The following SPON1 variants were observed in gnomAD, a reference collection of about 807,000 sequenced individuals.
SPON1 encodes spondin-1.
In SPON1, 52 loss-of-function variants were observed where a neutral mutation model predicts 111.7. That is an observed-to-expected ratio of 0.47 (90% CI 0.37 to 0.59). The LOEUF (loss-of-function observed/expected upper bound fraction) is 0.59. Ranked by LOEUF, SPON1 falls within the 20% of genes least tolerant of loss-of-function variation. SPON1 has a pLI of 0.00. For synonymous variants in SPON1, 410 were observed against 395.8 expected (o/e 1.04, Z -0.43); for missense variants, 957 against 1,068.5 (o/e 0.90, Z 1.46).
rs3047401 is a variant in SPON1 at position 13,969,215 on chromosome 11, C to CAAAAA, written c.238+6090_238+6094dup. 1.4e-3 allele frequency among the ~76,000 whole-genome samples: 153 copies of CAAAAA among 106,922 alleles called. 2 individuals are homozygous for CAAAAA. The highest frequency in any genetic ancestry group is 9.5e-3 in the East Asian group (31 of 3,268). 70.1% of individuals were successfully genotyped at this position (106,922 alleles called of 152,430 possible). ...GACAATATGGCAAAACCCATCTCTACAAAAAAAAAAAAAAAAAAAAATTAG... is the reference window on the plus strand; with the variant it reads ...GACAATATGGCAAAACCCATCTCTACAAAAAAAAAAAAAAAAAAAAAAAAAATTAG... On this transcript the variant is annotated intron_variant, in intron 1 of 15. Coordinates refer to ENST00000576479, the MANE Select transcript of SPON1 (RefSeq NM_006108.4).
intron 5 of SPON1, among the ~76,000 whole-genome samples, chr11:14,115,325 T>A (rs1258229246): frequency 6.6e-6 from 1 of 152,192 alleles, no homozygotes; most frequent in Non-Finnish European, 1.5e-5. Context: ...AAATTGTAAG[T>A]CTATAGCTCA....
chr11:14,135,650 A>G lies in SPON1; in HGVS notation c.825+82A>G. 9 of 1,404,272 alleles carry G rather than the reference A, an allele frequency of 6.4e-6. No homozygotes were observed. The highest frequency in any genetic ancestry group is 8.9e-6 in the Non-Finnish European group (9 of 1,010,580). The allele number at this position is 1,404,272 out of a possible 1,614,324, so 87.0% of individuals were successfully genotyped here. ...TTAGATATCTTTCCCAGGGGCTTGA[A>G]ATTTGCAGTACAATGTGGTGGAAGA... On this transcript the variant is annotated intron_variant, in intron 6 of 15. Transcript: ENST00000576479. This position sits in a 1 kb window ranked among gnomAD's most constrained non-coding sequence, Gnocchi z 4.4.
intron 6 of SPON1, among the ~76,000 whole-genome samples, chr11:14,165,919 G>A (rs1395896028): frequency 1.3e-5 from 2 of 152,160 alleles, no homozygotes; most frequent in Non-Finnish European, 2.9e-5. Flanking sequence ...TCTCAGATAA[G>A]ACTTTTTAAA....
intron 3 of SPON1, among the ~76,000 whole-genome samples, chr11:14,063,952 G>C (rs782678818): frequency 4.6e-5 from 7 of 152,196 alleles, no homozygotes; most frequent in Non-Finnish European, 1.0e-4. Flanking sequence ...ACTGTTTGCT[G>C]ATCACACAGC....
chr11:13,992,515 C>T (rs927999221), intron 2 of SPON1, among the ~76,000 whole-genome samples: 45 of 152,252 alleles, frequency 3.0e-4, no homozygotes, highest in Non-Finnish European at 4.1e-4. Context: ...TGGGACCTGC[C>T]GAGCCAGACC....
At chr11:14,144,455 C>T (rs1240922001) in intron 6 of SPON1, among the ~76,000 whole-genome samples, 1 of 151,748 alleles carries the variant, frequency 6.6e-6, no homozygotes, top group Non-Finnish European at 1.5e-5. Flanking sequence ...CATGGTGAAA[C>T]CCTGTCTCTA....
At chr11:14,225,648 G>A (rs529856635) in intron 6 of SPON1, among the ~76,000 whole-genome samples, 23 of 152,224 alleles carry the variant, frequency 1.5e-4, no homozygotes, top group Admixed American at 7.8e-4. Context: ...TTATATTTCA[G>A]GAAACCTCAA....
chr11:14,216,451 G>A (rs1217787416), intron 6 of SPON1, among the ~76,000 whole-genome samples: 1 of 152,144 alleles, frequency 6.6e-6, no homozygotes, highest in Non-Finnish European at 1.5e-5. Flanking sequence ...ATGATCAGTT[G>A]GGTTCACTTG....
chr11:14,074,721 C>G (rs1554921239), intron 3 of SPON1, among the ~76,000 whole-genome samples: 1 of 152,156 alleles, frequency 6.6e-6, no homozygotes, highest in Non-Finnish European at 1.5e-5. Context: ...AAAATATGTG[C>G]TGGCCAAAAG....
intron 6 of SPON1, among the ~76,000 whole-genome samples, chr11:14,156,734 C>T (rs1196531054): frequency 6.6e-6 from 1 of 152,012 alleles, no homozygotes; most frequent in East Asian, 1.9e-4. Context: ...TTTCCCAGCA[C>T]CATTTATTAA....
chr11:14,235,110 C>T (rs1022922750), intron 6 of SPON1, among the ~76,000 whole-genome samples: 5 of 152,184 alleles, frequency 3.3e-5, no homozygotes, highest in African/African-American at 9.6e-5. Flanking sequence ...TATGCTGGGA[C>T]TCTCACTGCT....
intron 2 of SPON1, among the ~76,000 whole-genome samples, chr11:14,011,775 G>A (rs1848406886): frequency 6.6e-6 from 1 of 152,184 alleles, no homozygotes; most frequent in Non-Finnish European, 1.5e-5. Context: ...GGATGAGGAT[G>A]GAAGAGGAGG....
intron 2 of SPON1, among the ~76,000 whole-genome samples, chr11:14,039,712 G>T (rs1487824110): frequency 3.9e-5 from 6 of 152,160 alleles, no homozygotes; most frequent in Non-Finnish European, 7.4e-5. Flanking sequence ...GCAAGCCATA[G>T]GAGATAAGTT....
intron 6 of SPON1, among the ~76,000 whole-genome samples, chr11:14,145,727 GGAA>G (rs1423573901): frequency 3.3e-5 from 5 of 152,022 alleles, no homozygotes; most frequent in African/African-American, 1.2e-4. Context: ...AAGTATATGA[GGAA>G]GAATATTCAT....
intron 3 of SPON1, among the ~76,000 whole-genome samples, chr11:14,059,844 C>T (rs1308078363): frequency 6.6e-6 from 1 of 152,244 alleles, no homozygotes; most frequent in Non-Finnish European, 1.5e-5. Flanking sequence ...TCCACACCTG[C>T]CTGGTGATCA....
intron 1 of SPON1, among the ~76,000 whole-genome samples, chr11:13,964,418 A>T (rs1016783557): frequency 1.3e-5 from 2 of 152,122 alleles, no homozygotes; most frequent in East Asian, 3.9e-4. Flanking sequence ...GCAACACAGG[A>T]GAAAGTCTGG....
chr11:13,972,939 ATC>A (rs111729143), intron 1 of SPON1, among the ~76,000 whole-genome samples: 157 of 148,360 alleles, frequency 1.1e-3, no homozygotes, highest in Non-Finnish European at 1.2e-3. Flanking sequence ...GGGTCATTCC[ATC>A]TCTCTCTCTC....
intron 5 of SPON1, among the ~76,000 whole-genome samples, chr11:14,117,581 A>G (rs1849276098): frequency 6.6e-6 from 1 of 152,174 alleles, no homozygotes; most frequent in African/African-American, 2.4e-5. Context: ...AGAGTTTGCT[A>G]ATATTTTGGG....
intron 6 of SPON1, among the ~76,000 whole-genome samples, chr11:14,136,817 T>C (rs1297674655): frequency 6.6e-6 from 1 of 152,218 alleles, no homozygotes; most frequent in African/African-American, 2.4e-5. Context: ...CTATGCTCTG[T>C]TTCTCTGACT....
Sources: gnomAD v4.1 joint callset for allele counts (sites outside exome capture counted in the v4.1 genomes callset) on GRCh38, gnomAD v4.1.1 for gene constraint, Gnocchi (gnomAD v3.1) non-coding constraint, MANE v1.5 for transcripts, NCBI Gene and HGNC (gene_info 2026-07-23, HGNC 2026-07-21) for gene names.